The following TRPM1 variants were observed in gnomAD, a reference collection of about 807,000 sequenced individuals.
TRPM1 encodes transient receptor potential cation channel subfamily M member 1.
A neutral mutation model predicts 149.4 loss-of-function variants in TRPM1; 113 were observed. The observed-to-expected ratio is 0.76, with a 90% CI of 0.65 to 0.88. TRPM1 has a LOEUF of 0.88. TRPM1 is among the 40% of genes least tolerant of loss of function. TRPM1 has a pLI of 0.00. For missense variants in TRPM1, 1,976 were observed against 2,038.7 expected, an observed-to-expected ratio of 0.97 and a Z score of 0.59; for synonymous variants, 741 against 759.5, an observed-to-expected ratio of 0.98 and a Z score of 0.40.
chr15:31,029,616 A>T (rs1020178937), intron 23 of TRPM1, among the ~76,000 whole-genome samples: 1 of 152,242 alleles, frequency 6.6e-6, no homozygotes, highest in Non-Finnish European at 1.5e-5. Context: ...TCTAGAAAAT[A>T]TATATCATGG....
At chr15:31,095,070 G>A (rs1425584914) in intron 1 of TRPM1, among the ~76,000 whole-genome samples, 2 of 152,260 alleles carry the variant, frequency 1.3e-5, no homozygotes, top group African/African-American at 4.8e-5. Flanking sequence ...CATGCCACAT[G>A]GGTGAACCTT....
intron 1 of TRPM1, among the ~76,000 whole-genome samples, chr15:31,082,531 A>G (rs1412328155): frequency 6.6e-6 from 1 of 152,088 alleles, no homozygotes; most frequent in East Asian, 1.9e-4. Context: ...TTTAAATGCA[A>G]TCCTGGTCAT....
intron 1 of TRPM1, among the ~76,000 whole-genome samples, chr15:31,097,216 G>C (rs984021471): frequency 1.3e-5 from 2 of 152,012 alleles, no homozygotes; most frequent in Non-Finnish European, 2.9e-5. Flanking sequence ...AGTGGGAGCA[G>C]GTAGCTGTCA....
intron 1 of TRPM1, among the ~76,000 whole-genome samples, chr15:31,113,301 G>A (rs996789843): frequency 2.6e-5 from 4 of 152,170 alleles, no homozygotes; most frequent in African/African-American, 7.2e-5. Context: ...AACTCTCCAG[G>A]AAGAGTGCTG....
Position 31,002,258 on chromosome 15 carries a change from C to T in TRPM1, c.4442G>A (p.Ser1481Asn). Residue 1481 changes from serine (S) to asparagine (N), a missense_variant, in exon 28 of 28, where the codon AGT becomes AAT. Physicochemically the swap from Ser to Asn is conservative, Grantham distance 46. Coordinates refer to ENST00000256552, the MANE Select transcript of TRPM1 (RefSeq NM_001252024.2). ...CGTCAATTGCTGGTCCGTGATTGAACTGTACTCTACATCCTGGTTAACCCC... is the reference window on the plus strand; with the variant it reads ...CGTCAATTGCTGGTCCGTGATTGAATTGTACTCTACATCCTGGTTAACCCC... ...VGGVNQDVEY[S>N]SITDQQLTTE... is the part of the protein sequence containing the mutation. 2 of 1,614,246 alleles carry T rather than the reference C, an allele frequency of 1.2e-6. No homozygotes were observed. The highest frequency in any genetic ancestry group is 2.2e-5 in the South Asian group (2 of 91,082).
chr15:31,089,090 A>G (rs2035131456), intron 1 of TRPM1, among the ~76,000 whole-genome samples: 1 of 152,232 alleles, frequency 6.6e-6, no homozygotes. Flanking sequence ...TTTTTAAAAA[A>G]CAAAAATCAA....
intron 11 of TRPM1, 61 bp from the exon 12 acceptor site, chr15:31,050,643 C>A (rs2033922896): frequency 1.3e-6 from 2 of 1,591,928 alleles, no homozygotes; most frequent in Non-Finnish European, 1.7e-6. Flanking sequence ...GTCCCCAGAC[C>A]AGCTCATTGA....
Position 31,049,489 on chromosome 15 carries a change from C to T in TRPM1, c.1458G>A (p.Ala486=), listed in dbSNP as rs780254677. 3.1e-6 allele frequency: 5 copies of T among 1,614,056 alleles called. No individual in the cohort carries two copies. The highest frequency in any genetic ancestry group is 2.2e-5 in the East Asian group (1 of 44,880). ...LLNWVNALEQ[A]MLDALVLDRV... is the part of the protein sequence containing the mutation. ...GATCTAAGACTAAAGCATCTAGCAT[C>T]GCTTGCTCCAAAGCATTCACCTGCA... The change falls in exon 13 of 28, where the codon GCG becomes GCA. Residue 486 remains alanine (A), a synonymous_variant. Transcript: ENST00000256552.
intron 1 of TRPM1, among the ~76,000 whole-genome samples, chr15:31,113,552 T>C (rs552782562): frequency 4.0e-5 from 6 of 150,756 alleles, no homozygotes; most frequent in South Asian, 4.2e-4. Flanking sequence ...ACTCCTAAAA[T>C]GTTTTTTTTT....
chr15:31,016,984 CACACAA>C (rs1278666516), intron 27 of TRPM1, among the ~76,000 whole-genome samples: 39 of 96,030 alleles, frequency 4.1e-4, no homozygotes, highest in African/African-American at 1.6e-3. Context: ...CACACACACA[CACACAA>C]AAAAAAAACT....
At chr15:31,078,445 T>C (rs1406997780) in intron 2 of TRPM1, among the ~76,000 whole-genome samples, 1 of 152,230 alleles carries the variant, frequency 6.6e-6, no homozygotes, top group Non-Finnish European at 1.5e-5. Flanking sequence ...GCTTGTTACT[T>C]GGCTTTTTGA....
rs536345516 is a variant in TRPM1, at chr15:31,071,979, ACATATATATATATATAT to A, written c.84-1770_84-1754del. Among the ~76,000 whole-genome samples the A allele has an allele frequency of 9.3e-4, 78 of 83,608 alleles. 1 individual carries two copies. Among genetic ancestry groups the A allele is most frequent in the African/African-American group, 2.0e-3 (36 of 17,902 alleles). 54.9% of individuals were successfully genotyped at this position (83,608 alleles called of 152,430 possible). A position where few individuals can be genotyped will look rare whatever the true frequency, so the allele number is the denominator to read the frequency against. On this transcript the variant is annotated intron_variant, in intron 3 of 27. Transcript: ENST00000256552. Reference sequence around the variant, plus strand: ...ACTCCGTCTCAAAAAAAAAAAAAAAACATATATATATATATATATATATATATATATATATATATAGA... The same window carrying A: ...ACTCCGTCTCAAAAAAAAAAAAAAAAATATATATATATATATATATATAGA...
intron 25 of TRPM1, among the ~76,000 whole-genome samples, chr15:31,027,515 T>C (rs2032835040): frequency 6.6e-6 from 1 of 152,248 alleles, no homozygotes. Flanking sequence ...AATTAGTTAT[T>C]GAACTTATTT....
intron 15 of TRPM1, among the ~76,000 whole-genome samples, 186 bp downstream of exon 15, chr15:31,046,925 C>T (rs952099917): frequency 6.6e-6 from 1 of 152,176 alleles, no homozygotes. Flanking sequence ...ATGGGCGGGG[C>T]GGCCCGTGCT....
chr15:31,104,869 C>T (rs140803187), upstream of TRPM1, among the ~76,000 whole-genome samples: 3,235 of 152,146 alleles, frequency 0.021, 118 homozygotes, highest in African/African-American at 0.074. Context: ...GCTGGGATTA[C>T]AGGTGTGAGC....
Position 31,071,998 on chromosome 15 carries a change from T to C in TRPM1, c.84-1772A>G, listed in dbSNP as rs58348021. Among the ~76,000 whole-genome samples, 80 of 66,754 alleles carry C rather than the reference T, an allele frequency of 1.2e-3. 1 individual carries two copies. Among genetic ancestry groups the C allele is most frequent in the African/African-American group, 2.1e-3 (36 of 17,018 alleles). The allele number at this position is 66,754 out of a possible 152,430, so 43.8% of individuals were successfully genotyped here. On this transcript the variant is annotated intron_variant, in intron 3 of 27. Transcript: ENST00000256552. ...AAAAAAACATATATATATATATATA[T>C]ATATATATATATATATATATAGAGA...
intron 1 of TRPM1, among the ~76,000 whole-genome samples, chr15:31,120,641 A>G (rs2141033222): frequency 6.6e-6 from 1 of 152,294 alleles, no homozygotes; most frequent in Non-Finnish European, 1.5e-5. Context: ...AAGAAAGACA[A>G]CATTCTGAGA....
chr15:31,062,548 G>C (rs777196490), intron 9 of TRPM1, 31 bp downstream of exon 9: 2 of 1,613,288 alleles, frequency 1.2e-6, no homozygotes, highest in East Asian at 4.5e-5. Context: ...TCTCCACAGA[G>C]CTTGTTTGGA....
chr15:31,068,058 G>A lies in TRPM1; in HGVS notation c.314C>T (p.Ser105Leu). The change falls in exon 5 of 28, where the codon TCA (serine) becomes TTA (leucine). Residue 105 changes from serine to leucine, a missense_variant. Physicochemically the swap from Ser to Leu is moderately radical, Grantham distance 145. Transcript: ENST00000256552. Reference protein sequence around the residue: ...IRVSYDTKPDSLLHLMVKDWQ... With the variant: ...IRVSYDTKPDLLLHLMVKDWQ... Reference sequence around the variant, plus strand: ...ATCTTTCACCATGAGATGGAGCAGTGAGTCTGGCTTGGTGTCATAGGATAC... The same window carrying A: ...ATCTTTCACCATGAGATGGAGCAGTAAGTCTGGCTTGGTGTCATAGGATAC... 1 of 1,614,208 alleles carries A rather than the reference G, an allele frequency of 6.2e-7. No homozygotes were observed. Among genetic ancestry groups the A allele is most frequent in the Non-Finnish European group, 8.5e-7 (1 of 1,180,026 alleles).
Sources: allele counts gnomAD v4.1 joint callset (sites outside exome capture counted in the v4.1 genomes callset), GRCh38; gene constraint gnomAD v4.1.1; transcripts MANE v1.5; gene names NCBI Gene and HGNC (gene_info 2026-07-23, HGNC 2026-07-21).